Variants in TBC1D19 observed in about 807,000 individuals in gnomAD.
The protein encoded by TBC1D19 is TBC1 domain family member 19.
Under a neutral mutation model 89.0 loss-of-function variants are expected in TBC1D19, and 60 were observed. That is an observed-to-expected ratio of 0.67 (90% CI 0.55 to 0.84). The LOEUF is 0.84. Ranked by LOEUF, TBC1D19 falls within the 40% of genes least tolerant of loss-of-function variation. TBC1D19 has a pLI of 0.00. For synonymous variants in TBC1D19, 189 were observed against 199.7 expected (o/e 0.95, Z 0.45); for missense variants, 500 against 610.8 (o/e 0.82, Z 1.91).
At chr4:26,775,583 T>A in the TBC1D19 span, among the ~76,000 whole-genome samples, 4 of 152,228 alleles carry the variant, frequency 2.6e-5, no homozygotes, top group African/African-American at 9.6e-5. Context: ...GGGTGGCTAC[T>A]CTTTGCCCTT....
In TBC1D19 at chr4:26,659,587, GT is replaced by G; in HGVS notation, c.481-5del. 1 of 1,554,476 alleles carries G rather than the reference GT, an allele frequency of 6.4e-7. No homozygotes were observed. Among genetic ancestry groups the G allele is most frequent in the Non-Finnish European group, 8.8e-7 (1 of 1,134,426 alleles). Reference sequence around the variant, plus strand: ...GAAACTAACCAATTTTGTTGGATTTGTTTTTAAAGGTATTAATTAATCTTCG... The same window carrying G: ...GAAACTAACCAATTTTGTTGGATTTGTTTTAAAGGTATTAATTAATCTTCG... On this transcript the variant is annotated splice_polypyrimidine_tract_variant and intron_variant, in intron 7 of 20. Transcript: ENST00000264866.
At chr4:26,840,736 T>G in the TBC1D19 span, among the ~76,000 whole-genome samples, 1 of 152,230 alleles carries the variant, frequency 6.6e-6, no homozygotes, top group Non-Finnish European at 1.5e-5. Flanking sequence ...GGGTTAGTGC[T>G]CTGCAGCTGC....
intron 15 of TBC1D19, among the ~76,000 whole-genome samples, chr4:26,723,612 A>G (rs1717114947): frequency 6.6e-6 from 1 of 152,350 alleles, no homozygotes; most frequent in Admixed American, 6.5e-5. Flanking sequence ...TCACCAATGG[A>G]CAGATTTCCT....
chr4:26,844,827 T>C, the TBC1D19 span, among the ~76,000 whole-genome samples: 1 of 152,222 alleles, frequency 6.6e-6, no homozygotes, highest in Non-Finnish European at 1.5e-5. Flanking sequence ...AGGAACTCTT[T>C]ATGAGTAAAG....
chr4:26,731,300 C>G (rs1178347660), intron 15 of TBC1D19, among the ~76,000 whole-genome samples: 2 of 151,988 alleles, frequency 1.3e-5, no homozygotes, highest in African/African-American at 4.8e-5. Context: ...TGCCTATAGC[C>G]CTTGTCTTGC....
chr4:26,754,512 C>A (rs1719155994), intron 20 of TBC1D19, among the ~76,000 whole-genome samples: 1 of 152,170 alleles, frequency 6.6e-6, no homozygotes, highest in Non-Finnish European at 1.5e-5. Context: ...AGTTCCATCT[C>A]AAAATGATTT....
the TBC1D19 span, among the ~76,000 whole-genome samples, chr4:26,811,888 G>T: frequency 6.6e-6 from 1 of 152,150 alleles, no homozygotes; most frequent in Non-Finnish European, 1.5e-5. Context: ...CTTCTTTACT[G>T]CAACCTGTGT....
the TBC1D19 span, among the ~76,000 whole-genome samples, chr4:26,777,327 G>T: frequency 6.6e-6 from 1 of 151,958 alleles, no homozygotes; most frequent in Non-Finnish European, 1.5e-5. Context: ...TGGAGATGGG[G>T]TTTCATCATA....
chr4:26,618,988 G>A (rs1741867321), intron 3 of TBC1D19, among the ~76,000 whole-genome samples: 2 of 152,070 alleles, frequency 1.3e-5, no homozygotes, highest in Non-Finnish European at 2.9e-5. Context: ...ATGAGGGCAG[G>A]TATTTTAGCT....
At chr4:26,705,092 C>T (rs1454377033) in intron 13 of TBC1D19, among the ~76,000 whole-genome samples, 1 of 151,426 alleles carries the variant, frequency 6.6e-6, no homozygotes, top group African/African-American at 2.4e-5. Flanking sequence ...CTATTGAAGT[C>T]CTTTGGCCAT....
At chr4:26,707,712 T>C (rs1315404309) in intron 13 of TBC1D19, among the ~76,000 whole-genome samples, 1 of 152,024 alleles carries the variant, frequency 6.6e-6, no homozygotes, top group African/African-American at 2.4e-5. Context: ...TTGTGTATAT[T>C]CCACAGCTAT....
chr4:26,641,241 A>G (rs1743492973), intron 7 of TBC1D19, among the ~76,000 whole-genome samples: 1 of 152,188 alleles, frequency 6.6e-6, no homozygotes. Context: ...CTTCTGCAAT[A>G]TTTGCTGTTC....
At chr4:26,780,308 C>T in the TBC1D19 span, among the ~76,000 whole-genome samples, 1 of 152,232 alleles carries the variant, frequency 6.6e-6, no homozygotes, top group South Asian at 2.1e-4. Context: ...CATCTTACCA[C>T]ATGCCAGATA....
intron 4 of TBC1D19, among the ~76,000 whole-genome samples, chr4:26,632,401 A>G (rs561399151): frequency 2.0e-5 from 3 of 151,616 alleles, no homozygotes; most frequent in African/African-American, 4.8e-5. Flanking sequence ...AATAAGGAAT[A>G]CTAGAGAAAG....
At chr4:26,718,632 C>G (rs1003055812) in intron 14 of TBC1D19, among the ~76,000 whole-genome samples, 1 of 152,052 alleles carries the variant, frequency 6.6e-6, no homozygotes, top group African/African-American at 2.4e-5. Context: ...AAACTTTCTC[C>G]TGTATCTCTT....
In TBC1D19 at chr4:26,746,655, G is replaced by A. The variant is rs760918536; in HGVS notation, c.1320-1756G>A. On this transcript the variant is annotated intron_variant, in intron 18 of 20. Transcript: ENST00000264866. ...ATATATTCCAAGACCCCCAGTGGGT[G>A]CCTGAAACTGTGGATAGTACTGAGC... Among the ~76,000 whole-genome samples the A allele has an allele frequency of 3.6e-4, 55 of 152,150 alleles. 1 individual carries two copies. Among genetic ancestry groups the A allele is most frequent in the Non-Finnish European group, 1.2e-4 (8 of 68,024 alleles).
the TBC1D19 span, among the ~76,000 whole-genome samples, chr4:26,842,582 C>CCCTTCCTT: frequency 6.6e-3 from 631 of 95,424 alleles, 5 homozygotes; most frequent in East Asian, 0.014. Flanking sequence ...CTTCCTCCCT[C>CCCTTCCTT]CCTTTCTTTC....
At chr4:26,659,485 A>C (rs1204339693) in intron 7 of TBC1D19, 112 bp from the exon 8 acceptor site, 3 of 564,882 alleles carry the variant, frequency 5.3e-6, no homozygotes, top group South Asian at 6.1e-5. Flanking sequence ...TATGTGCATC[A>C]CCCAAATAGT....
At chr4:26,802,533 C>T in the TBC1D19 span, among the ~76,000 whole-genome samples, 25 of 152,146 alleles carry the variant, frequency 1.6e-4, no homozygotes, top group South Asian at 3.7e-3. Context: ...ACCTGGGAGG[C>T]GGAGGTTGCA....
Sources: allele counts gnomAD v4.1 joint callset (sites outside exome capture counted in the v4.1 genomes callset), GRCh38; gene constraint gnomAD v4.1.1; transcripts MANE v1.5; gene names NCBI Gene and HGNC (gene_info 2026-07-23, HGNC 2026-07-21).